TBC1D21: variants seen among roughly 807,000 people sequenced by gnomAD.
TBC1D21 encodes the protein male germ cell Rab GTPase-activating protein.
A neutral mutation model predicts 46.0 loss-of-function variants in TBC1D21; 38 were observed. That is an observed-to-expected ratio of 0.83 (90% CI 0.64 to 1.08). The LOEUF (loss-of-function observed/expected upper bound fraction) is 1.08. Among genes scored for constraint, TBC1D21 ranks in the 50% least tolerant of loss-of-function variants. The pLI, the probability that TBC1D21 is intolerant of heterozygous loss-of-function variation, is 0.00. For missense variants in TBC1D21, 415 were observed against 417.9 expected (o/e 0.99, Z 0.06); for synonymous variants, 151 against 157.2 (o/e 0.96, Z 0.29).
chr15:73,892,188 C>T (rs1472273680), downstream of TBC1D21, among the ~76,000 whole-genome samples: 1 of 152,232 alleles, frequency 6.6e-6, no homozygotes, highest in African/African-American at 2.4e-5. Context: ...CTACTCAGGG[C>T]GGGTCTCCTC....
chr15:73,901,633 G>A, the TBC1D21 span, among the ~76,000 whole-genome samples: 2 of 152,202 alleles, frequency 1.3e-5, no homozygotes, highest in African/African-American at 4.8e-5. Flanking sequence ...TCCTTCTGGA[G>A]ACTCTAGGGG....
At chr15:73,886,200 C>T in intron 7 of TBC1D21, 26 bp downstream of exon 7, 3 of 1,599,124 alleles carry the variant, frequency 1.9e-6, no homozygotes, top group Non-Finnish European at 2.6e-6. Flanking sequence ...CTCCTGCCAC[C>T]TCACGCACCC....
the TBC1D21 span, among the ~76,000 whole-genome samples, chr15:73,900,049 C>A: frequency 2.6e-5 from 4 of 152,172 alleles, no homozygotes; most frequent in Non-Finnish European, 5.9e-5. Flanking sequence ...CTTGCAGAAT[C>A]AGTGGTTTCT....
the TBC1D21 span, among the ~76,000 whole-genome samples, chr15:73,904,723 C>T: frequency 2.0e-5 from 3 of 152,046 alleles, no homozygotes; most frequent in South Asian, 6.2e-4. Context: ...ACGAGAGGAG[C>T]TCATGGGACT....
At position 73,885,070 on chromosome 15, in the gene TBC1D21, C is replaced by A; in HGVS notation, c.546C>A (p.Thr182=). ...FQLMVEHDHE[T]FWLFQFFLQK... ...TGATGGTGGAGCACGACCACGAGAC[C>A]TTCTGGCTTTTCCAGTTCTTCCTGC... The change falls in exon 6 of 11, where the codon ACC becomes ACA. Residue 182 remains threonine (T), a synonymous_variant. Transcript: ENST00000300504. 1 of 1,613,524 alleles carries A rather than the reference C, an allele frequency of 6.2e-7. No homozygotes were observed. The highest frequency in any genetic ancestry group is 8.5e-7 in the Non-Finnish European group (1 of 1,180,008).
rs762874679 is a variant in TBC1D21, at chr15:73,881,799, G to A, written c.272+52G>A. ...CAGGAGGGGGGCCTGCAGGTGGCAGGTGCTGCCTCCCCAGCCTGCAGACTA... is the reference window on the plus strand; with the variant it reads ...CAGGAGGGGGGCCTGCAGGTGGCAGATGCTGCCTCCCCAGCCTGCAGACTA... On this transcript the variant is annotated intron_variant, in intron 3 of 10. Coordinates refer to ENST00000300504, the MANE Select transcript of TBC1D21 (RefSeq NM_153356.3). The A allele has an allele frequency of 4.6e-6, 7 of 1,518,778 alleles. No homozygotes were observed. The Admixed American group carries it at 1.0e-4, about 22-fold the overall frequency. The allele number at this position is 1,518,778 out of a possible 1,614,324, so 94.1% of individuals were successfully genotyped here.
At chr15:73,903,740 C>A in the TBC1D21 span, among the ~76,000 whole-genome samples, 17 of 152,210 alleles carry the variant, frequency 1.1e-4, no homozygotes, top group Non-Finnish European at 1.3e-4. Context: ...TTGACACCAA[C>A]TCTTACCTTT....
At chr15:73,906,919 A>G in the TBC1D21 span, among the ~76,000 whole-genome samples, 2 of 151,226 alleles carry the variant, frequency 1.3e-5, no homozygotes, top group Non-Finnish European at 2.9e-5. Context: ...TCACCTCTTC[A>G]GGCTCTTGTT....
chr15:73,883,875 C>T (rs948944357), intron 3 of TBC1D21, among the ~76,000 whole-genome samples: 3 of 152,210 alleles, frequency 2.0e-5, no homozygotes. Context: ...CAGTGGCAGA[C>T]ACCCCGTTAT....
At position 73,888,483 on chromosome 15, in the gene TBC1D21, C is replaced by T. The variant is rs371945631; in HGVS notation, c.948C>T (p.Cys316=). The T allele has an allele frequency of 6.8e-6, 11 of 1,614,098 alleles. No homozygotes were observed. Among genetic ancestry groups the T allele is most frequent in the Middle Eastern group, 1.7e-4 (1 of 6,060 alleles). The change falls in exon 10 of 11, where the codon TGC becomes TGT. Residue 316 remains cysteine (C), a synonymous_variant. Transcript: ENST00000300504. ...CTGATGAGCTGATCTCTGCCGCCTG[C>T]GTGGTTTATGCTGAGCTCATCCAGA... ...LDADELISAA[C]VVYAELIQKD...
In TBC1D21 at chr15:73,889,202, T is replaced by C; in HGVS notation, c.*101T>C. 7.6e-7 allele frequency: 1 copy of C among 1,322,642 alleles called. No homozygotes were observed. The highest frequency in any genetic ancestry group is 2.0e-5 in the Admixed American group (1 of 51,020). 81.9% of individuals were successfully genotyped at this position (1,322,642 alleles called of 1,614,324 possible). A position where few individuals can be genotyped will look rare whatever the true frequency, so the allele number is the denominator to read the frequency against. On this transcript the variant is annotated 3_prime_UTR_variant, in exon 11 of 11. Coordinates refer to ENST00000300504, the MANE Select transcript of TBC1D21 (RefSeq NM_153356.3). ...GATAAAACAGCTGCAATATAAACAGTCCTCTGGAATAATGGTTTGTGGTGG... is the reference window on the plus strand; with the variant it reads ...GATAAAACAGCTGCAATATAAACAGCCCTCTGGAATAATGGTTTGTGGTGG...
the TBC1D21 span, among the ~76,000 whole-genome samples, chr15:73,906,705 AG>A: frequency 1.3e-5 from 2 of 152,186 alleles, no homozygotes; most frequent in Non-Finnish European, 2.9e-5. Flanking sequence ...CTGACCCAGG[AG>A]GAGGAGAAGA....
At chr15:73,881,002 G>A (rs999069987) in intron 1 of TBC1D21, among the ~76,000 whole-genome samples, 1 of 152,140 alleles carries the variant, frequency 6.6e-6, no homozygotes, top group Non-Finnish European at 1.5e-5. Flanking sequence ...GTACTATATA[G>A]TACATAGAGA....
At chr15:73,896,147 CGGTAGT>C in the TBC1D21 span, among the ~76,000 whole-genome samples, 1 of 152,162 alleles carries the variant, frequency 6.6e-6, no homozygotes, top group South Asian at 2.1e-4. Flanking sequence ...AGAGCCATGG[CGGTAGT>C]GAGGACAAAT....
chr15:73,901,048 T>G, the TBC1D21 span, among the ~76,000 whole-genome samples: 2 of 152,264 alleles, frequency 1.3e-5, no homozygotes, highest in Admixed American at 1.3e-4. Context: ...AAGTCCAGGA[T>G]GTTAGAAAGT....
chr15:73,881,855 A>T (rs2068162034), intron 3 of TBC1D21, 108 bp downstream of exon 3: 1 of 1,014,926 alleles, frequency 9.9e-7, no homozygotes, highest in Non-Finnish European at 1.5e-6. Flanking sequence ...TCTTATTCCG[A>T]GAGGAACCCC....
At chr15:73,892,866 T>C (rs1317423028), downstream of TBC1D21, among the ~76,000 whole-genome samples, 2 of 152,170 alleles carry the variant, frequency 1.3e-5, no homozygotes, top group Non-Finnish European at 2.9e-5. Context: ...AACACAATAA[T>C]GTCAGTGATG....
the TBC1D21 span, among the ~76,000 whole-genome samples, chr15:73,896,097 A>G: frequency 7.4e-6 from 1 of 134,576 alleles, no homozygotes; most frequent in African/African-American, 2.6e-5. Flanking sequence ...CAACAGAGAT[A>G]ATGGCGACAA....
the TBC1D21 span, among the ~76,000 whole-genome samples, chr15:73,907,276 C>A: frequency 2.6e-5 from 4 of 152,222 alleles, no homozygotes; most frequent in Non-Finnish European, 4.4e-5. Context: ...ACATGAATTT[C>A]TCAGCTCAGT....
Sources: allele counts gnomAD v4.1 joint callset (sites outside exome capture counted in the v4.1 genomes callset), GRCh38; gene constraint gnomAD v4.1.1; transcripts MANE v1.5; gene names NCBI Gene and HGNC (gene_info 2026-07-23, HGNC 2026-07-21).